Variants in PRIM2 observed in about 807,000 individuals in gnomAD.
The protein encoded by PRIM2 is DNA primase large subunit.
Under a neutral mutation model 67.3 loss-of-function variants are expected in PRIM2, and 39 were observed. That is an observed-to-expected ratio of 0.58 (90% CI 0.45 to 0.76). The LOEUF is 0.76. PRIM2 is among the 30% of genes least tolerant of loss of function. The pLI is 0.00. For missense variants in PRIM2, 398 were observed against 598.7 expected, an observed-to-expected ratio of 0.66 and a Z score of 3.50; for synonymous variants, 143 against 198.7, an observed-to-expected ratio of 0.72 and a Z score of 2.36.
At chr6:57,542,268 C>T (rs1200845387) in intron 10 of PRIM2, among the ~76,000 whole-genome samples, 7 of 152,152 alleles carry the variant, frequency 4.6e-5, no homozygotes, top group Non-Finnish European at 7.4e-5. Flanking sequence ...GAGCTACTGC[C>T]ACCATGCCCG....
chr6:57,451,696 G>A (rs1015481737), intron 7 of PRIM2, among the ~76,000 whole-genome samples: 1 of 151,950 alleles, frequency 6.6e-6, no homozygotes, highest in Non-Finnish European at 1.5e-5. Context: ...CATAGGCCAC[G>A]TGATCTCTTT....
chr6:57,456,284 G>A (rs1257693695), intron 7 of PRIM2, among the ~76,000 whole-genome samples: 3 of 152,148 alleles, frequency 2.0e-5, no homozygotes, highest in African/African-American at 7.2e-5. Flanking sequence ...TCTTCTCGAG[G>A]AGTATCTTTG....
Position 57,646,137 on chromosome 6 carries a change from T to C in PRIM2, c.1509T>C (p.Asp503=), listed in dbSNP as rs1173514319. The stretch of plus-strand genomic sequence containing the variant: ...AAATGGATATGGAAGGACTAGAAGA[T>C]TACTTTAGTGAAGATTCTTAGGCAG... The part of the protein sequence containing the change: ...SLEMDMEGLE[D]YFSEDS The change falls in exon 14 of 14, where the codon GAT becomes GAC. Residue 503 remains aspartate, a synonymous_variant. Transcript: ENST00000615550. 6.3e-7 allele frequency: 1 copy of C among 1,575,628 alleles called. No homozygotes were observed. Among genetic ancestry groups the C allele is most frequent in the Non-Finnish European group, 8.7e-7 (1 of 1,145,596 alleles).
intron 10 of PRIM2, among the ~76,000 whole-genome samples, chr6:57,578,814 C>T (rs1482009742): frequency 6.6e-6 from 1 of 151,212 alleles, no homozygotes; most frequent in Admixed American, 6.6e-5. Flanking sequence ...GTAGCTGGGA[C>T]TACAGGCGCC....
At chr6:57,404,336 C>T (rs1770812725) in intron 7 of PRIM2, among the ~76,000 whole-genome samples, 1 of 115,740 alleles carries the variant, frequency 8.6e-6, no homozygotes, top group Admixed American at 8.8e-5. Flanking sequence ...AATACTTCAG[C>T]AGCTCCAGGG....
chr6:57,578,913 T>C (rs1776022038), intron 10 of PRIM2, among the ~76,000 whole-genome samples: 1 of 151,712 alleles, frequency 6.6e-6, no homozygotes, highest in South Asian at 2.1e-4. Context: ...CCTGACCTCG[T>C]GATCCGCCCG....
At chr6:57,556,757 C>G (rs2127476778) in intron 10 of PRIM2, among the ~76,000 whole-genome samples, 1 of 152,270 alleles carries the variant, frequency 6.6e-6, no homozygotes, top group East Asian at 1.9e-4. Context: ...ATACCAGAAG[C>G]AATTGCAACA....
At chr6:57,546,052 T>C (rs1775284640) in intron 10 of PRIM2, among the ~76,000 whole-genome samples, 1 of 152,172 alleles carries the variant, frequency 6.6e-6, no homozygotes, top group African/African-American at 2.4e-5. Context: ...GGTCAATTGG[T>C]AACTGGAATT....
chr6:57,270,320 G>C, the PRIM2 span, among the ~76,000 whole-genome samples: 1 of 152,124 alleles, frequency 6.6e-6, no homozygotes, highest in Non-Finnish European at 1.5e-5. Flanking sequence ...GCAGTGGTTT[G>C]TAGTTCTCCT....
intron 7 of PRIM2, among the ~76,000 whole-genome samples, chr6:57,415,472 T>A (rs1355301043): frequency 2.0e-5 from 3 of 152,190 alleles, no homozygotes; most frequent in Non-Finnish European, 4.4e-5. Flanking sequence ...AAGTGCTTTA[T>A]TGCTAAAAAA....
intron 8 of PRIM2, among the ~76,000 whole-genome samples, chr6:57,509,065 T>C (rs1774306448): frequency 6.6e-6 from 1 of 151,944 alleles, no homozygotes; most frequent in Admixed American, 6.6e-5. Context: ...GTTTTCTTTT[T>C]CTTTCTTAGT....
rs34636141 is a variant in PRIM2, at chr6:57,357,596, C to CT, written c.460-22289dup. The stretch of plus-strand genomic sequence containing the variant: ...TAGCGTAGAAACCCATCCTCTGTGG[C>CT]TTTTTTTTTTTTTTTTGAGACAGTT... On this transcript the variant is annotated intron_variant, in intron 5 of 13. Coordinates refer to ENST00000615550, the MANE Select transcript of PRIM2 (RefSeq NM_000947.5). 5.8e-3 allele frequency among the ~76,000 whole-genome samples: 787 copies of CT among 136,840 alleles called. 3 individuals carry two copies. The highest frequency in any genetic ancestry group is 0.014 in the East Asian group (69 of 4,808). 89.8% of individuals were successfully genotyped at this position (136,840 alleles called of 152,430 possible).
At chr6:57,514,618 A>T (rs1393158577) in intron 8 of PRIM2, among the ~76,000 whole-genome samples, 2 of 152,108 alleles carry the variant, frequency 1.3e-5, no homozygotes, top group South Asian at 4.1e-4. Flanking sequence ...AATAAATTAG[A>T]ATATATTGTT....
intron 5 of PRIM2, among the ~76,000 whole-genome samples, chr6:57,352,680 A>G (rs1047755954): frequency 1.3e-5 from 2 of 152,088 alleles, no homozygotes; most frequent in African/African-American, 4.8e-5. Context: ...CATTTCTTCC[A>G]ATGAAAATGG....
At chr6:57,451,470 G>A (rs1772548602) in intron 7 of PRIM2, among the ~76,000 whole-genome samples, 3 of 152,068 alleles carry the variant, frequency 2.0e-5, no homozygotes, top group Admixed American at 6.6e-5. Flanking sequence ...ACTTATGTTA[G>A]GAAGTGAATC....
chr6:57,553,603 T>G (rs1775447404), intron 10 of PRIM2, among the ~76,000 whole-genome samples: 2 of 151,992 alleles, frequency 1.3e-5, no homozygotes, highest in African/African-American at 2.4e-5. Flanking sequence ...TTGCCAACAT[T>G]GCATGCACTT....
At chr6:57,340,509 T>A (rs1219648392) in intron 5 of PRIM2, among the ~76,000 whole-genome samples, 3 of 152,182 alleles carry the variant, frequency 2.0e-5, no homozygotes, top group African/African-American at 7.2e-5. Context: ...ATATACACCA[T>A]GGAATACTAT....
At chr6:57,394,400 A>C (rs1474025451) in intron 7 of PRIM2, among the ~76,000 whole-genome samples, 3 of 151,858 alleles carry the variant, frequency 2.0e-5, no homozygotes, top group Non-Finnish European at 2.9e-5. Context: ...TATATTCTTA[A>C]GTATTTTATT....
At chr6:57,560,955 TAACA>T (rs1775614863) in intron 10 of PRIM2, among the ~76,000 whole-genome samples, 99 of 152,352 alleles carry the variant, frequency 6.5e-4, no homozygotes, top group African/African-American at 2.3e-3. Context: ...CTATAGCCCC[TAACA>T]AGAAAGTTAG....
Sources: gnomAD v4.1 joint callset for allele counts (sites outside exome capture counted in the v4.1 genomes callset) on GRCh38, gnomAD v4.1.1 for gene constraint, MANE v1.5 for transcripts, NCBI Gene and HGNC (gene_info 2026-07-23, HGNC 2026-07-21) for gene names.